The following DLG2 variants were observed in gnomAD, a reference collection of about 807,000 sequenced individuals.
The protein encoded by DLG2 is disks large homolog 2.
DLG2 carries 45 observed loss-of-function variants against 132.5 expected under a neutral mutation model. The observed-to-expected ratio is 0.34, with a 90% CI of 0.27 to 0.44. The LOEUF (loss-of-function observed/expected upper bound fraction) is 0.44, where lower values mean the gene tolerates loss of function less well. Ranked by LOEUF, DLG2 falls within the 20% of genes least tolerant of loss-of-function variation. The pLI, the probability that DLG2 is intolerant of heterozygous loss-of-function variation, is 1.00. For synonymous variants in DLG2, 424 were observed against 419.6 expected (o/e 1.01, Z -0.13); for missense variants, 1,045 against 1,196.9 (o/e 0.87, Z 1.87).
chr11:85,347,528 A>G (rs558794917), intron 3 of DLG2, among the ~76,000 whole-genome samples: 71 of 152,190 alleles, frequency 4.7e-4, no homozygotes, highest in African/African-American at 1.7e-3. Context: ...CATTTACTGT[A>G]TGTCAAAAAA....
intron 3 of DLG2, among the ~76,000 whole-genome samples, chr11:85,318,871 T>G (rs935877561): frequency 1.3e-5 from 2 of 151,722 alleles, no homozygotes; most frequent in Admixed American, 6.6e-5. Context: ...AACTATGGAT[T>G]CAAGGTATCA....
chr11:85,339,842 A>G (rs577185928), intron 3 of DLG2, among the ~76,000 whole-genome samples: 234 of 152,346 alleles, frequency 1.5e-3, no homozygotes, highest in Non-Finnish European at 2.4e-3. Context: ...ATGAACAGAC[A>G]CTTCTCAAAA....
chr11:84,320,671 A>T (rs1431355522), intron 7 of DLG2, among the ~76,000 whole-genome samples: 2 of 152,234 alleles, frequency 1.3e-5, no homozygotes, highest in African/African-American at 4.8e-5. Context: ...CAAAATATTT[A>T]AACTAATTTA....
At chr11:84,946,815 G>C (rs373173923) in intron 6 of DLG2, among the ~76,000 whole-genome samples, 1 of 152,288 alleles carries the variant, frequency 6.6e-6, no homozygotes, top group African/African-American at 2.4e-5. Flanking sequence ...TTGTGGCCTT[G>C]ACTGCCTTTC....
intron 3 of DLG2, among the ~76,000 whole-genome samples, chr11:85,548,600 C>T (rs7102830): frequency 0.015 from 2,219 of 151,926 alleles, 57 homozygotes; most frequent in African/African-American, 0.05. Context: ...ACCGCCCCTT[C>T]CCCCAGGTGC....
chr11:84,252,549 A>T (rs940422379), intron 7 of DLG2, among the ~76,000 whole-genome samples: 21 of 151,874 alleles, frequency 1.4e-4, no homozygotes, highest in Non-Finnish European at 2.5e-4. Context: ...TCTTTTTTTT[A>T]AAAAAATTGT....
At chr11:85,493,243 T>C (rs1184228947) in intron 3 of DLG2, among the ~76,000 whole-genome samples, 2 of 152,170 alleles carry the variant, frequency 1.3e-5, no homozygotes, top group Admixed American at 1.3e-4. Context: ...TTTGAAAGCA[T>C]TTTCAAATAA....
intron 4 of DLG2, among the ~76,000 whole-genome samples, chr11:85,162,090 A>G (rs1000119266): frequency 2.0e-4 from 31 of 152,302 alleles, no homozygotes; most frequent in Admixed American, 1.7e-3. Context: ...CCACCTGGAC[A>G]CTTTGGGCTC....
rs189808046 is a variant in DLG2, at chr11:84,571,098, A to G, written c.358-36367T>C. Among the ~76,000 whole-genome samples, 22 of 152,296 alleles carry G rather than the reference A, an allele frequency of 1.4e-4. No homozygotes were observed. In the East Asian group the frequency reaches 3.7e-3, roughly 25 times the overall value. On this transcript the variant is annotated intron_variant, in intron 6 of 27. Transcript: ENST00000376104. Reference sequence around the variant, plus strand: ...TACTGACCACACATACCTATACTATAAAAGGGAGTAAATAAAAAGAAAGGA... The same window carrying G: ...TACTGACCACACATACCTATACTATGAAAGGGAGTAAATAAAAAGAAAGGA...
chr11:84,426,877 G>T (rs2098968330), intron 7 of DLG2, among the ~76,000 whole-genome samples: 2 of 152,128 alleles, frequency 1.3e-5, no homozygotes, highest in Admixed American at 6.6e-5. Flanking sequence ...TTGAAAGAGA[G>T]AATGTATGGG....
chr11:84,483,078 C>G (rs1436422327), intron 7 of DLG2, among the ~76,000 whole-genome samples: 1 of 152,074 alleles, frequency 6.6e-6, no homozygotes, highest in Non-Finnish European at 1.5e-5. Flanking sequence ...AACCTGGAAA[C>G]AAATGGTCAT....
intron 7 of DLG2, among the ~76,000 whole-genome samples, chr11:84,367,253 C>G (rs1043474715): frequency 6.6e-6 from 1 of 152,080 alleles, no homozygotes; most frequent in Non-Finnish European, 1.5e-5. Flanking sequence ...CAGAGGAGGA[C>G]AAAATAGTAA....
At chr11:85,174,062 C>T (rs1288504784) in intron 4 of DLG2, among the ~76,000 whole-genome samples, 1 of 152,074 alleles carries the variant, frequency 6.6e-6, no homozygotes, top group African/African-American at 2.4e-5. Flanking sequence ...GACAGATCAC[C>T]AAGACAGAAA....
chr11:84,533,151 A>C (rs1283346289), intron 7 of DLG2, among the ~76,000 whole-genome samples: 1 of 152,194 alleles, frequency 6.6e-6, no homozygotes. Flanking sequence ...GTAGTCTATA[A>C]TTTTTCTGAG....
chr11:83,478,719 C>T lies in DLG2; in HGVS notation c.2293+5410G>A, dbSNP rs183450893. The stretch of plus-strand genomic sequence containing the variant: ...AAGAACTGAAAGATAAAGCATGATG[C>T]TTTCTTTTTCGATACCTGTGTCTAC... On this transcript the variant is annotated intron_variant, in intron 22 of 27. Coordinates refer to ENST00000376104, the MANE Select transcript of DLG2 (RefSeq NM_001142699.3). 3.2e-3 allele frequency among the ~76,000 whole-genome samples: 491 copies of T among 152,110 alleles called. 1 individual carries two copies. Among genetic ancestry groups the T allele is most frequent in the Non-Finnish European group, 4.8e-3 (326 of 67,940 alleles).
At chr11:84,276,796 G>A (rs775401164) in intron 7 of DLG2, among the ~76,000 whole-genome samples, 3 of 152,144 alleles carry the variant, frequency 2.0e-5, no homozygotes, top group Non-Finnish European at 4.4e-5. Context: ...CTGGTGAATG[G>A]TTTAAATTTA....
intron 11 of DLG2, among the ~76,000 whole-genome samples, chr11:84,026,379 G>C (rs922403804): frequency 6.6e-6 from 1 of 152,076 alleles, no homozygotes; most frequent in African/African-American, 2.4e-5. Flanking sequence ...AAGGTAGTTA[G>C]TATAATACAA....
chr11:84,031,790 T>G (rs1297815724), intron 11 of DLG2, among the ~76,000 whole-genome samples: 4 of 152,200 alleles, frequency 2.6e-5, no homozygotes, highest in Non-Finnish European at 5.9e-5. Context: ...TTTTACAAAT[T>G]GAAAGTTTGT....
intron 9 of DLG2, among the ~76,000 whole-genome samples, chr11:84,107,877 G>A (rs889475804): frequency 1.2e-4 from 19 of 152,106 alleles, no homozygotes; most frequent in African/African-American, 4.6e-4. Context: ...GCAGCTTTGA[G>A]GCAAGAGAGA....
Sources: gnomAD v4.1 joint callset for allele counts (sites outside exome capture counted in the v4.1 genomes callset) on GRCh38, gnomAD v4.1.1 for gene constraint, MANE v1.5 for transcripts, NCBI Gene and HGNC (gene_info 2026-07-23, HGNC 2026-07-21) for gene names.